Variants in SPATA13 observed in about 807,000 individuals in gnomAD.
SPATA13 encodes the protein spermatogenesis-associated protein 13.
Under a neutral mutation model 104.0 loss-of-function variants are expected in SPATA13, and 50 were observed. That is an observed-to-expected ratio of 0.48 (90% CI 0.38 to 0.61). The LOEUF is 0.61. Ranked by LOEUF, SPATA13 falls within the 20% of genes least tolerant of loss-of-function variation. The pLI, the probability that SPATA13 is intolerant of heterozygous loss-of-function variation, is 0.00. For missense variants in SPATA13, 1,524 were observed against 1,690.6 expected (o/e 0.90, Z 1.73); for synonymous variants, 606 against 667.5 (o/e 0.91, Z 1.42).
At position 24,305,513 on chromosome 13, in the gene SPATA13, C is replaced by T. The variant is rs1264191603; in HGVS notation, c.*2740C>T. Reference sequence around the variant, plus strand: ...GCCTGAGTTCTTCAAGAATGGAAGGCTCAAGTATTCTCATCTTCCATTTGC... The same window carrying T: ...GCCTGAGTTCTTCAAGAATGGAAGGTTCAAGTATTCTCATCTTCCATTTGC... On this transcript the variant is annotated 3_prime_UTR_variant, in exon 13 of 13. Coordinates refer to ENST00000382108, the MANE Select transcript of SPATA13 (RefSeq NM_001166271.3). 1 of 152,216 alleles carries T rather than the reference C, an allele frequency of 6.6e-6. No individual in the cohort carries two copies. Among genetic ancestry groups the T allele is most frequent in the Non-Finnish European group, 1.5e-5 (1 of 68,048 alleles). 9.4% of individuals were successfully genotyped at this position (152,216 alleles called of 1,614,324 possible).
At chr13:24,153,594 G>A (rs1031091774) in intron 3 of SPATA13, among the ~76,000 whole-genome samples, 1 of 152,128 alleles carries the variant, frequency 6.6e-6, no homozygotes, top group East Asian at 1.9e-4. Context: ...AATGATCCAC[G>A]GTACGCTGCA....
intron 1 of SPATA13, among the ~76,000 whole-genome samples, chr13:24,189,552 A>G (rs1269574814): frequency 7.5e-6 from 1 of 133,520 alleles, no homozygotes; most frequent in African/African-American, 2.8e-5. Flanking sequence ...TTAAATATAT[A>G]GTATATTTAA....
chr13:24,086,686 A>C (rs1045381950), intron 3 of SPATA13, among the ~76,000 whole-genome samples: 3 of 152,282 alleles, frequency 2.0e-5, no homozygotes, highest in Admixed American at 6.5e-5. Flanking sequence ...CAAGGAAAGA[A>C]GGCAGACTCC....
At chr13:24,084,032 A>G (rs1879634054) in intron 3 of SPATA13, among the ~76,000 whole-genome samples, 1 of 152,086 alleles carries the variant, frequency 6.6e-6, no homozygotes, top group Non-Finnish European at 1.5e-5. Flanking sequence ...CTGAAAGTGG[A>G]AGGTTTTCTG....
At chr13:24,068,554 A>G (rs1879049583) in intron 3 of SPATA13, among the ~76,000 whole-genome samples, 1 of 152,238 alleles carries the variant, frequency 6.6e-6, no homozygotes, top group Admixed American at 6.5e-5. Flanking sequence ...GAATCACCAC[A>G]CTGTCTTACA....
chr13:24,249,016 C>T (rs1355766069), intron 2 of SPATA13, among the ~76,000 whole-genome samples: 3 of 152,024 alleles, frequency 2.0e-5, no homozygotes, highest in South Asian at 2.1e-4. Flanking sequence ...ACTACAGACA[C>T]GCGCCACCGC....
At chr13:24,298,114 C>T (rs999984385) in intron 11 of SPATA13, among the ~76,000 whole-genome samples, 3 of 152,206 alleles carry the variant, frequency 2.0e-5, no homozygotes, top group African/African-American at 4.8e-5. Context: ...AAATCCAGCA[C>T]TTTGGATGCC....
intron 1 of SPATA13, among the ~76,000 whole-genome samples, chr13:24,178,286 G>A (rs940614175): frequency 6.6e-6 from 1 of 152,212 alleles, no homozygotes; most frequent in African/African-American, 2.4e-5. Flanking sequence ...CCACCTGTGA[G>A]CATGCTCTTG....
At chr13:24,041,435 A>T (rs905617590) in intron 3 of SPATA13, among the ~76,000 whole-genome samples, 6 of 152,254 alleles carry the variant, frequency 3.9e-5, no homozygotes, top group Non-Finnish European at 7.3e-5. Flanking sequence ...TCAGAATCAG[A>T]ATCTCACATG....
chr13:24,273,890 A>G (rs999067054), intron 4 of SPATA13, among the ~76,000 whole-genome samples: 1 of 152,092 alleles, frequency 6.6e-6, no homozygotes, highest in South Asian at 2.1e-4. Context: ...GGATCTTGCT[A>G]TGTTGCCCAG....
At position 24,088,708 on chromosome 13, in the gene SPATA13, C is replaced by T. The variant is rs1282928417; in HGVS notation, c.-112+71007C>T. Among the ~76,000 whole-genome samples the T allele has an allele frequency of 2.0e-5, 3 of 152,308 alleles. No homozygotes were observed. Among genetic ancestry groups the T allele is most frequent in the East Asian group, 3.9e-4 (2 of 5,182 alleles). ...TAGTAGAAACTCAGTGGCACTCGGG[C>T]CCTGCTTCTCACTGAGAGCTGCGTT... On this transcript the variant is annotated intron_variant, in intron 3 of 14. Coordinates refer to the SPATA13 transcript ENST00000424834. This position sits in a 1 kb window ranked among gnomAD's most constrained non-coding sequence, Gnocchi z 4.3.
rs1870635021 is a variant in SPATA13 at position 24,205,204 on chromosome 13, C to T, written c.-111-17615C>T. On this transcript the variant is annotated intron_variant, in intron 1 of 12. Transcript: ENST00000382108. The surrounding 1 kb of genome is among the most constrained non-coding windows in gnomAD (Gnocchi z 4.1). ...GTATCCTGAAAACCCCAAAGTCTCG[C>T]CCCCAAAGCTCCTTCAGCTGATAAA... 6.6e-6 allele frequency among the ~76,000 whole-genome samples: 1 copy of T among 152,094 alleles called. No individual in the cohort carries two copies. The highest frequency in any genetic ancestry group is 1.5e-5 in the Non-Finnish European group (1 of 68,014).
intron 2 of SPATA13, among the ~76,000 whole-genome samples, chr13:23,985,967 C>G (rs1490946472): frequency 2.0e-5 from 3 of 152,222 alleles, no homozygotes; most frequent in Non-Finnish European, 4.4e-5. Context: ...AAGTGCGCTT[C>G]TCCTCACCCG....
intron 3 of SPATA13, chr13:24,251,439 A>C (rs1029933299): frequency 1.0e-6 from 1 of 982,484 alleles, no homozygotes; most frequent in Admixed American, 6.2e-5. Context: ...TCTTCTCAGA[A>C]GCTTCTTTTT....
chr13:24,054,538 G>A (rs901923109), intron 3 of SPATA13, among the ~76,000 whole-genome samples: 9 of 149,834 alleles, frequency 6.0e-5, no homozygotes, highest in African/African-American at 1.2e-4. Flanking sequence ...AACCAGATAC[G>A]CATTTTTAGT....
intron 4 of SPATA13, among the ~76,000 whole-genome samples, chr13:24,261,209 A>G (rs1441110721): frequency 1.3e-5 from 2 of 152,216 alleles, no homozygotes; most frequent in African/African-American, 2.4e-5. Context: ...TCGGAAAATG[A>G]TAGTGGCACT....
intron 3 of SPATA13, among the ~76,000 whole-genome samples, chr13:24,082,259 G>T (rs547511479): frequency 6.6e-6 from 1 of 152,236 alleles, no homozygotes; most frequent in African/African-American, 2.4e-5. Context: ...TCATAAGCAC[G>T]TAAGTGTTCT....
chr13:24,209,691 G>C (rs550216983), intron 1 of SPATA13, among the ~76,000 whole-genome samples: 1 of 152,128 alleles, frequency 6.6e-6, no homozygotes. Context: ...GGTCAATTGC[G>C]TATCTTGGCT....
At chr13:24,095,407 TG>T (rs901020059) in intron 3 of SPATA13, among the ~76,000 whole-genome samples, 1 of 152,012 alleles carries the variant, frequency 6.6e-6, no homozygotes, top group Non-Finnish European at 1.5e-5. Context: ...TACCCAGGGC[TG>T]GGGTAGGGGG....
Sources: allele counts gnomAD v4.1 joint callset (sites outside exome capture counted in the v4.1 genomes callset), GRCh38; gene constraint gnomAD v4.1.1; non-coding constraint Gnocchi (gnomAD v3.1); transcripts MANE v1.5; gene names NCBI Gene and HGNC (gene_info 2026-07-23, HGNC 2026-07-21).